PTPRD: variants seen among roughly 807,000 people sequenced by gnomAD.
The protein encoded by PTPRD is protein tyrosine phosphatase receptor type D.
PTPRD carries 34 observed loss-of-function variants against 214.5 expected under a neutral mutation model. That is an observed-to-expected ratio of 0.16 (90% CI 0.12 to 0.21). The LOEUF is 0.21. PTPRD is among the 10% of genes least tolerant of loss of function. The probability of loss-of-function intolerance (pLI) is 1.00; values close to 1 mark genes in which losing one functional copy is unlikely to be tolerated. For missense variants in PTPRD, 2,545 were observed against 2,398.7 expected (o/e 1.06, Z -1.27); for synonymous variants, 1,128 against 845.7 (o/e 1.33, Z -5.79).
intron 9 of PTPRD, among the ~76,000 whole-genome samples, chr9:9,297,537 T>C (rs964617639): frequency 2.6e-5 from 4 of 151,636 alleles, no homozygotes; most frequent in African/African-American, 9.7e-5. Flanking sequence ...CAAAAAGACA[T>C]ATAGATTGGG....
chr9:10,159,679 CAG>C (rs140108478), intron 3 of PTPRD, among the ~76,000 whole-genome samples: 15,454 of 151,326 alleles, frequency 0.1, 1,007 homozygotes, highest in South Asian at 0.2. Flanking sequence ...TAAAATCAAA[CAG>C]AAATCTTGGA....
intron 9 of PTPRD, among the ~76,000 whole-genome samples, chr9:9,229,566 T>A: frequency 6.6e-6 from 1 of 152,070 alleles, no homozygotes; most frequent in South Asian, 2.1e-4. Flanking sequence ...AGAAAACTTA[T>A]GGCTCCTTTG....
intron 3 of PTPRD, among the ~76,000 whole-genome samples, chr9:10,153,231 G>C (rs1483778114): frequency 6.6e-6 from 1 of 151,972 alleles, no homozygotes; most frequent in African/African-American, 2.4e-5. Flanking sequence ...TAATTATACT[G>C]TAATGTGTAC....
intron 12 of PTPRD, among the ~76,000 whole-genome samples, chr9:8,667,291 A>T (rs1358429201): frequency 1.3e-5 from 2 of 152,212 alleles, no homozygotes; most frequent in Non-Finnish European, 2.9e-5. Context: ...GTGAGCCGAG[A>T]TCATGCCATT....
rs1026340913 is a variant in PTPRD at position 8,406,732 on chromosome 9, G to A, written c.4087-2072C>T. ...CATGAGAGTTAGAGAACAAATTATG[G>A]AAACTTCATTGTACAGTATACCACA... On this transcript the variant is annotated intron_variant, in intron 35 of 45. Transcript: ENST00000381196. 2.0e-5 allele frequency among the ~76,000 whole-genome samples: 3 copies of A among 152,134 alleles called. No homozygotes were observed. The East Asian group carries it at 5.8e-4, about 29-fold the overall frequency.
At chr9:9,031,270 T>C (rs1424890968) in intron 10 of PTPRD, among the ~76,000 whole-genome samples, 1 of 134,708 alleles carries the variant, frequency 7.4e-6, no homozygotes, top group Non-Finnish European at 1.7e-5. Context: ...TCACATTTGT[T>C]TAATGAATAT....
At chr9:9,422,615 T>C (rs781598903) in intron 8 of PTPRD, among the ~76,000 whole-genome samples, 1 of 152,064 alleles carries the variant, frequency 6.6e-6, no homozygotes, top group Non-Finnish European at 1.5e-5. Flanking sequence ...AGTTACCAGG[T>C]AGAGACAGTG....
chr9:9,501,867 T>C (rs1015822985), intron 8 of PTPRD, among the ~76,000 whole-genome samples: 3 of 151,908 alleles, frequency 2.0e-5, no homozygotes, highest in Non-Finnish European at 4.4e-5. Context: ...GGAAAAATAT[T>C]ATTAAAAATA....
At chr9:10,048,383 TG>T (rs1567307971) in intron 3 of PTPRD, among the ~76,000 whole-genome samples, 1 of 152,174 alleles carries the variant, frequency 6.6e-6, no homozygotes, top group African/African-American at 2.4e-5. Context: ...CATGATTTCA[TG>T]GTGACCTTCA....
rs1567521519 is a variant in PTPRD at position 10,076,179 on chromosome 9, TC to T, written c.-544-42390del. ...GGCTTCTTGAGTGCAGGTTTGAGGG[TC>T]TACGTCTTGCACTGCCTGCCGCCTC... is the stretch of plus-strand genomic sequence containing the variant. On this transcript the variant is annotated intron_variant, in intron 3 of 45. Coordinates refer to ENST00000381196, the MANE Select transcript of PTPRD (RefSeq NM_002839.4). 2.7e-4 allele frequency among the ~76,000 whole-genome samples: 41 copies of T among 152,158 alleles called. No homozygotes were observed. The East Asian group carries it at 6.6e-3, about 25-fold the overall frequency.
intron 2 of PTPRD, among the ~76,000 whole-genome samples, chr9:10,480,150 A>C (rs1230641692): frequency 6.6e-6 from 1 of 152,072 alleles, no homozygotes; most frequent in Non-Finnish European, 1.5e-5. Flanking sequence ...ACAGAAGATA[A>C]ATTCAACCCC....
chr9:9,093,090 G>C (rs1417871093), intron 10 of PTPRD, among the ~76,000 whole-genome samples: 1 of 151,998 alleles, frequency 6.6e-6, no homozygotes, highest in African/African-American at 2.4e-5. Flanking sequence ...GATATGGAGG[G>C]ACATTGCATA....
At chr9:9,472,808 CATCTT>C (rs1427302107) in intron 8 of PTPRD, among the ~76,000 whole-genome samples, 3 of 152,068 alleles carry the variant, frequency 2.0e-5, no homozygotes, top group Admixed American at 1.3e-4. Flanking sequence ...CATTTCAACT[CATCTT>C]ATCCATTTTC....
At chr9:10,326,679 A>G (rs1337091574) in intron 3 of PTPRD, among the ~76,000 whole-genome samples, 4 of 151,676 alleles carry the variant, frequency 2.6e-5, no homozygotes, top group Non-Finnish European at 3.0e-5. Context: ...TGAAGCATGA[A>G]GAAAAGCATC....
chr9:9,582,183 C>T (rs886938788), intron 7 of PTPRD, among the ~76,000 whole-genome samples: 2 of 152,026 alleles, frequency 1.3e-5, no homozygotes, highest in African/African-American at 4.8e-5. Context: ...GGTTCATGAC[C>T]ACTTGGAATA....
At chr9:10,094,241 A>G (rs576369597) in intron 3 of PTPRD, among the ~76,000 whole-genome samples, 1 of 151,432 alleles carries the variant, frequency 6.6e-6, no homozygotes, top group South Asian at 2.1e-4. Context: ...TTCTTTATAT[A>G]TAAATATTCA....
At chr9:8,990,366 C>T (rs1181343066) in intron 11 of PTPRD, among the ~76,000 whole-genome samples, 1 of 152,168 alleles carries the variant, frequency 6.6e-6, no homozygotes, top group Non-Finnish European at 1.5e-5. Flanking sequence ...AGAATATGTG[C>T]ATCTGCTTGT....
intron 28 of PTPRD, 133 bp downstream of exon 28, chr9:8,485,627 TAC>T: frequency 1.2e-6 from 1 of 828,902 alleles, no homozygotes; most frequent in Non-Finnish European, 1.8e-6. Flanking sequence ...TAGTAAGTTT[TAC>T]ATACTTTACC....
At chr9:8,720,633 CATTTT>C (rs1233008158) in intron 12 of PTPRD, among the ~76,000 whole-genome samples, 1 of 151,948 alleles carries the variant, frequency 6.6e-6, no homozygotes, top group Non-Finnish European at 1.5e-5. Flanking sequence ...GAATGGAAAT[CATTTT>C]ATAGTGAAAC....
Sources: gnomAD v4.1 joint callset for allele counts (sites outside exome capture counted in the v4.1 genomes callset) on GRCh38, gnomAD v4.1.1 for gene constraint, MANE v1.5 for transcripts, NCBI Gene and HGNC (gene_info 2026-07-23, HGNC 2026-07-21) for gene names.